The following PPP4C variants were observed in gnomAD, a reference collection of about 807,000 sequenced individuals.
PPP4C encodes the protein serine/threonine-protein phosphatase 4 catalytic subunit.
A neutral mutation model predicts 40.5 loss-of-function variants in PPP4C; 10 were observed. The ratio of observed to expected loss-of-function variants is 0.25; its 90% CI spans 0.15 to 0.42. The LOEUF (loss-of-function observed/expected upper bound fraction) is 0.42. PPP4C is among the 10% of genes least tolerant of loss of function. The pLI, the probability that PPP4C is intolerant of heterozygous loss-of-function variation, is 1.00. For synonymous variants in PPP4C, 187 were observed against 163.6 expected (o/e 1.14, Z -1.09); for missense variants, 191 against 416.4 (o/e 0.46, Z 4.71).
At position 30,080,335 on chromosome 16, in the gene PPP4C, ACT is replaced by A. The variant is rs528781947; in HGVS notation, c.99-921_99-920del. Among the ~76,000 whole-genome samples the A allele has an allele frequency of 1.2e-3, 154 of 128,958 alleles. 1 individual carries two copies. Among genetic ancestry groups the A allele is most frequent in the African/African-American group, 4.4e-3 (146 of 33,138 alleles). 84.6% of individuals were successfully genotyped at this position (128,958 alleles called of 152,430 possible). A position where few individuals can be genotyped will look rare whatever the true frequency, so the allele number is the denominator to read the frequency against. ...ACTCCAGACTGGGCAATGGAGCCAGACTCTGTCTCAAAAAAAAAAAAAAAAAA... is the reference window on the plus strand; with the variant it reads ...ACTCCAGACTGGGCAATGGAGCCAGACTGTCTCAAAAAAAAAAAAAAAAAA... On this transcript the variant is annotated intron_variant, in intron 2 of 8. Coordinates refer to ENST00000279387, the MANE Select transcript of PPP4C (RefSeq NM_002720.3).
chr16:30,082,888 T>C (rs764099224), intron 5 of PPP4C, 41 bp downstream of exon 5: 1 of 1,553,956 alleles, frequency 6.4e-7, no homozygotes, highest in Admixed American at 1.7e-5. Context: ...CTGGGCGACC[T>C]CGGGCCGGGC....
At chr16:30,082,961 C>G in intron 5 of PPP4C, 114 bp downstream of exon 5, 1 of 916,586 alleles carries the variant, frequency 1.1e-6, no homozygotes, top group Non-Finnish European at 1.7e-6. Context: ...AGCTGTGTCA[C>G]TGGTGATGGA....
chr16:30,084,061 C>T (rs2072563428), intron 7 of PPP4C, among the ~76,000 whole-genome samples: 1 of 152,228 alleles, frequency 6.6e-6, no homozygotes, highest in South Asian at 2.1e-4. Context: ...AGAATGGTAG[C>T]CCCCTGAGAC....
At chr16:30,082,561 TGTAAC>T (rs1193079289) in intron 4 of PPP4C, 27 bp downstream of exon 4, 2 of 1,605,002 alleles carry the variant, frequency 1.2e-6, no homozygotes, top group Non-Finnish European at 1.7e-6. Flanking sequence ...CACTGTGAAA[TGTAAC>T]GGGGGGATGA....
In PPP4C at chr16:30,085,038, G is replaced by A; in HGVS notation, c.900G>A (p.Lys300=). The change falls in exon 9 of 9, where the codon AAG becomes AAA. Residue 300 remains lysine (K), a synonymous_variant. Coordinates refer to ENST00000279387, the MANE Select transcript of PPP4C (RefSeq NM_002720.3). ...AGACACGGGGCATCCCCTCCAAGAA[G>A]CCCGTGGCCGACTACTTCCTGTGAC... ...PQETRGIPSK[K]PVADYFL 1 of 1,614,058 alleles carries A rather than the reference G, an allele frequency of 6.2e-7. No individual in the cohort carries two copies. Among genetic ancestry groups the A allele is most frequent in the African/African-American group, 1.3e-5 (1 of 75,050 alleles).
At chr16:30,081,202 C>A in intron 2 of PPP4C, 57 bp from the exon 3 acceptor site, 1 of 1,611,238 alleles carries the variant, frequency 6.2e-7, no homozygotes, top group South Asian at 1.1e-5. Flanking sequence ...CAAAAAAGGT[C>A]AGGAATTGGG....
At chr16:30,077,904 C>G (rs896746967) in intron 2 of PPP4C, among the ~76,000 whole-genome samples, 1 of 152,196 alleles carries the variant, frequency 6.6e-6, no homozygotes, top group African/African-American at 2.4e-5. Context: ...ACATAGACTA[C>G]CTGCAGCCAG....
Position 30,083,322 on chromosome 16 carries a change from C to T in PPP4C, c.304-72C>T, listed in dbSNP as rs1009466753. ...GTTGTGAGGATGGCAGGCTGGCGGGCACGAGGAGGTCAGAGAGGGATGTGT... is the reference window on the plus strand; with the variant it reads ...GTTGTGAGGATGGCAGGCTGGCGGGTACGAGGAGGTCAGAGAGGGATGTGT... On this transcript the variant is annotated intron_variant, in intron 5 of 8. Coordinates refer to ENST00000279387, the MANE Select transcript of PPP4C (RefSeq NM_002720.3). This position sits in a 1 kb window ranked among gnomAD's most constrained non-coding sequence, Gnocchi z 6.3. 37 of 1,512,380 alleles carry T rather than the reference C, an allele frequency of 2.4e-5. No individual in the cohort carries two copies. The highest frequency in any genetic ancestry group is 3.3e-5 in the Non-Finnish European group (37 of 1,115,622). 93.7% of individuals were successfully genotyped at this position (1,512,380 alleles called of 1,614,324 possible). A position where few individuals can be genotyped will look rare whatever the true frequency, so the allele number is the denominator to read the frequency against.
In PPP4C at chr16:30,082,432, C is replaced by G. The variant is rs1433998023; in HGVS notation, c.151-52C>G. The G allele has an allele frequency of 3.2e-6, 5 of 1,549,900 alleles. No homozygotes were observed. The South Asian group carries it at 3.3e-5, about 10-fold the overall frequency. On this transcript the variant is annotated intron_variant, in intron 3 of 8. Coordinates refer to ENST00000279387, the MANE Select transcript of PPP4C (RefSeq NM_002720.3). ...AAGCAGCGGGTGTTTGGAGGGTAGT[C>G]CCTGGCAACTCCCACTGCTTGAGTT... is the stretch of plus-strand genomic sequence containing the variant.
At position 30,085,135 on chromosome 16, in the gene PPP4C, G is replaced by T. The variant is rs533437502; in HGVS notation, c.*73G>T. The T allele has an allele frequency of 4.5e-6, 7 of 1,539,552 alleles. No homozygotes were observed. In the African/African-American group the frequency reaches 9.6e-5, roughly 21 times the overall value. ...TGTGACTCTGCCATCTTCCTCAGAC[G>T]GAGGCTGGGCGTGGGGGGGGCTGTC... On this transcript the variant is annotated 3_prime_UTR_variant, in exon 9 of 9. Coordinates refer to ENST00000279387, the MANE Select transcript of PPP4C (RefSeq NM_002720.3).
rs116615990 is a variant in PPP4C, at chr16:30,084,966, C to T, written c.828C>T (p.Asp276=). 435 of 1,614,146 alleles carry T rather than the reference C, an allele frequency of 2.7e-4. 1 individual carries two copies. The African/African-American group carries it at 4.8e-3, about 18-fold the overall frequency. Residue 276 remains aspartate (D), a synonymous_variant, in exon 9 of 9, where the codon GAC becomes GAT. Coordinates refer to ENST00000279387, the MANE Select transcript of PPP4C (RefSeq NM_002720.3). ...ATGTGGCAGCCATCTTGGAGCTGGACGAGCATCTCCAGAAAGATTTCATCA... is the reference window on the plus strand; with the variant it reads ...ATGTGGCAGCCATCTTGGAGCTGGATGAGCATCTCCAGAAAGATTTCATCA... The part of the protein sequence containing the change: ...CGNVAAILEL[D]EHLQKDFIIF...
Position 30,085,302 on chromosome 16 carries a change from C to G in PPP4C, c.*240C>G, listed in dbSNP as rs927788151. 2 of 394,530 alleles carry G rather than the reference C, an allele frequency of 5.1e-6. No individual in the cohort carries two copies. The highest frequency in any genetic ancestry group is 8.9e-6 in the Non-Finnish European group (2 of 223,652). The allele number at this position is 394,530 out of a possible 1,614,324, so 24.4% of individuals were successfully genotyped here. ...ATAATTTTTTTTTCTTTTTTTCCTT[C>G]TTTTTTCTGTTTGTTTTTAGATAAA... On this transcript the variant is annotated 3_prime_UTR_variant, in exon 9 of 9. Coordinates refer to ENST00000279387, the MANE Select transcript of PPP4C (RefSeq NM_002720.3).
Position 30,083,386 on chromosome 16 carries a change from AC to A in PPP4C, c.304-3del. On this transcript the variant is annotated splice_polypyrimidine_tract_variant and splice_region_variant and intron_variant, in intron 5 of 8. Coordinates refer to ENST00000279387, the MANE Select transcript of PPP4C (RefSeq NM_002720.3). The surrounding 1 kb of genome is among the most constrained non-coding windows in gnomAD (Gnocchi z 6.3). ...AGGCGCCAGCCCTGGCTTGGTGGCC[AC>A]CCCCAGGTTCGCTATCCTGATCGCA... is the stretch of plus-strand genomic sequence containing the variant. 6.2e-7 allele frequency: 1 copy of A among 1,604,254 alleles called. No homozygotes were observed.
rs748627331 is a variant in PPP4C at position 30,083,497 on chromosome 16, C to T, written c.407C>T (p.Ser136Leu). The stretch of plus-strand genomic sequence containing the variant: ...GATGAGTGCCTGCGCAAGTACGGCT[C>T]GGTGACTGTGTGGCGCTACTGCACT... The part of the protein sequence containing the change: ...FYDECLRKYG[S>L]VTVWRYCTEI... The change falls in exon 6 of 9, where the codon TCG (serine) becomes TTG (leucine). Residue 136 changes from serine to leucine, a missense_variant. Transcript: ENST00000279387. The surrounding 1 kb of genome is among the most constrained non-coding windows in gnomAD (Gnocchi z 6.3). 4.3e-6 allele frequency: 7 copies of T among 1,614,108 alleles called. No homozygotes were observed. The highest frequency in any genetic ancestry group is 1.1e-5 in the South Asian group (1 of 91,080).
chr16:30,082,862 C>G lies in PPP4C; in HGVS notation c.303+15C>G, dbSNP rs1204883509. 6.2e-7 allele frequency: 1 copy of G among 1,610,442 alleles called. No individual in the cohort carries two copies. Among genetic ancestry groups the G allele is most frequent in the Non-Finnish European group, 8.5e-7 (1 of 1,176,886 alleles). ...TGGCACTTAAGGTGGCAGTCCCCGG[C>G]TTCTGCACCCCCAACCTGGGCGACC... On this transcript the variant is annotated intron_variant, in intron 5 of 8. Transcript: ENST00000279387.
intron 2 of PPP4C, among the ~76,000 whole-genome samples, chr16:30,079,970 C>G (rs1201779103): frequency 1.3e-5 from 2 of 152,196 alleles, no homozygotes; most frequent in Admixed American, 6.5e-5. Flanking sequence ...CTCTTAATAA[C>G]ATTTGTGGCA....
chr16:30,082,909 C>A, intron 5 of PPP4C, 62 bp downstream of exon 5: 2 of 1,391,576 alleles, frequency 1.4e-6, no homozygotes, highest in South Asian at 1.2e-5. Context: ...CTGTCTTAGT[C>A]CGTTCCGCCC....
Position 30,083,200 on chromosome 16 carries a change from G to C in PPP4C, c.304-194G>C. 1.5e-6 allele frequency: 1 copy of C among 667,050 alleles called. No individual in the cohort carries two copies. Among genetic ancestry groups the C allele is most frequent in the South Asian group, 1.8e-5 (1 of 54,624 alleles). The allele number at this position is 667,050 out of a possible 1,614,324, so 41.3% of individuals were successfully genotyped here. ...CATTAGGTTCATAGTTGAGGGAATG[G>C]GTCAGCTTTACATTCTCTGGAGGGG... On this transcript the variant is annotated intron_variant, in intron 5 of 8. Transcript: ENST00000279387. The surrounding 1 kb of genome is among the most constrained non-coding windows in gnomAD (Gnocchi z 6.3).
intron 3 of PPP4C, among the ~76,000 whole-genome samples, chr16:30,082,058 A>G (rs1057333433): frequency 7.5e-6 from 1 of 134,210 alleles, no homozygotes; most frequent in Non-Finnish European, 1.7e-5. Flanking sequence ...CCGTCTAAAA[A>G]AAAAAAAAAG....
Sources: allele counts gnomAD v4.1 joint callset (sites outside exome capture counted in the v4.1 genomes callset), GRCh38; gene constraint gnomAD v4.1.1; non-coding constraint Gnocchi (gnomAD v3.1); transcripts MANE v1.5; gene names NCBI Gene and HGNC (gene_info 2026-07-23, HGNC 2026-07-21).